Variants in DPP6 observed in about 807,000 individuals in gnomAD.
DPP6 encodes the protein dipeptidyl peptidase like 6.
DPP6 carries 69 observed loss-of-function variants against 122.6 expected under a neutral mutation model. That is an observed-to-expected ratio of 0.56 (90% CI 0.46 to 0.69). The LOEUF (loss-of-function observed/expected upper bound fraction) is 0.69, where lower values mean the gene tolerates loss of function less well. Ranked by LOEUF, DPP6 falls within the 30% of genes least tolerant of loss-of-function variation. The pLI is 0.00. For missense variants in DPP6, 928 were observed against 1,116.9 expected (o/e 0.83, Z 2.41); for synonymous variants, 418 against 433.1 (o/e 0.97, Z 0.43).
the DPP6 span, among the ~76,000 whole-genome samples, chr7:153,787,570 G>A: frequency 1.6e-5 from 2 of 125,700 alleles, 1 homozygote; most frequent in African/African-American, 5.9e-5. Flanking sequence ...TTGAAGACCA[G>A]TCTGGGCAAC....
At chr7:154,156,167 C>T (rs1460979543) in intron 1 of DPP6, among the ~76,000 whole-genome samples, 2 of 152,238 alleles carry the variant, frequency 1.3e-5, no homozygotes, top group South Asian at 2.1e-4. Context: ...AGGGTCATCC[C>T]GAGGCCCTGT....
intron 1 of DPP6, among the ~76,000 whole-genome samples, chr7:154,338,525 A>C (rs1303459013): frequency 6.6e-6 from 1 of 152,230 alleles, no homozygotes; most frequent in East Asian, 1.9e-4. Flanking sequence ...AAAGAAAAGA[A>C]GAAGAACCAA....
chr7:153,967,107 C>G (rs1795786309), intron 1 of DPP6, among the ~76,000 whole-genome samples: 1 of 151,854 alleles, frequency 6.6e-6, no homozygotes, highest in African/African-American at 2.4e-5. Context: ...AAAAAAATCT[C>G]TAGGTCAGAA....
intron 1 of DPP6, among the ~76,000 whole-genome samples, chr7:153,909,661 C>T (rs921195738): frequency 1.3e-5 from 2 of 152,144 alleles, no homozygotes; most frequent in African/African-American, 4.8e-5. Flanking sequence ...GTGGTCAGTT[C>T]CCACTTAAGT....
At chr7:154,017,210 G>A (rs1189938959) in intron 1 of DPP6, among the ~76,000 whole-genome samples, 2 of 152,162 alleles carry the variant, frequency 1.3e-5, no homozygotes, top group Non-Finnish European at 2.9e-5. Flanking sequence ...TGGGACCACA[G>A]CATGTGCCCA....
At chr7:154,443,573 GATGGATGGATGGA>G (rs1336711033) in intron 1 of DPP6, among the ~76,000 whole-genome samples, 1 of 150,314 alleles carries the variant, frequency 6.7e-6, no homozygotes, top group Non-Finnish European at 1.5e-5. Flanking sequence ...TGGATGAATA[GATGGATGGATGGA>G]TGAGTGGATG....
chr7:154,371,152 C>T (rs530878963), intron 1 of DPP6, among the ~76,000 whole-genome samples: 74 of 151,974 alleles, frequency 4.9e-4, no homozygotes, highest in African/African-American at 1.7e-3. Flanking sequence ...CTGAGGTGGG[C>T]GGATCGCTTG....
intron 5 of DPP6, among the ~76,000 whole-genome samples, chr7:154,605,747 G>T (rs1833566828): frequency 8.5e-6 from 1 of 117,562 alleles, no homozygotes; most frequent in Non-Finnish European, 1.9e-5. Flanking sequence ...TGCTATCTTT[G>T]CATTTAATCT....
chr7:154,667,515 G>A (rs1342772212), intron 6 of DPP6, among the ~76,000 whole-genome samples: 1 of 152,174 alleles, frequency 6.6e-6, no homozygotes, highest in Non-Finnish European at 1.5e-5. Flanking sequence ...ATTCCCTGAG[G>A]TCAGGAGTTC....
At chr7:154,002,700 A>G (rs1345290692) in intron 1 of DPP6, among the ~76,000 whole-genome samples, 2 of 152,192 alleles carry the variant, frequency 1.3e-5, no homozygotes, top group Non-Finnish European at 2.9e-5. Context: ...AGGTCAGTCC[A>G]TGACGTCTGT....
intron 17 of DPP6, among the ~76,000 whole-genome samples, chr7:154,866,453 T>G (rs1803885652): frequency 6.6e-6 from 1 of 152,192 alleles, no homozygotes; most frequent in African/African-American, 2.4e-5. Context: ...CTCCCCTAAC[T>G]CACGTGCATG....
intron 5 of DPP6, among the ~76,000 whole-genome samples, chr7:154,632,411 C>T (rs889015760): frequency 1.3e-5 from 2 of 151,978 alleles, no homozygotes; most frequent in African/African-American, 4.8e-5. Flanking sequence ...AGAAATTGGG[C>T]GCTATTTGAT....
intron 1 of DPP6, among the ~76,000 whole-genome samples, chr7:154,362,376 A>G (rs985248983): frequency 6.6e-6 from 1 of 152,140 alleles, no homozygotes; most frequent in Non-Finnish European, 1.5e-5. Flanking sequence ...CATTCGGTAC[A>G]ACAAAGATAC....
rs374120806 is a variant in DPP6, at chr7:153,974,872, A to G, written c.51+87138A>G. Reference sequence around the variant, plus strand: ...GCCCTGCATGCAGCAAACCAGAACCAAGCCTGCAGCAGGACTCAACTAAGT... The same window carrying G: ...GCCCTGCATGCAGCAAACCAGAACCGAGCCTGCAGCAGGACTCAACTAAGT... On this transcript the variant is annotated intron_variant, in intron 1 of 25. Transcript: ENST00000404039. Among the ~76,000 whole-genome samples, 53 of 152,296 alleles carry G rather than the reference A, an allele frequency of 3.5e-4. 1 individual carries two copies. The East Asian group carries it at 3.9e-3, about 11-fold the overall frequency.
intron 1 of DPP6, among the ~76,000 whole-genome samples, chr7:154,072,748 A>G (rs569769551): frequency 2.3e-3 from 358 of 152,354 alleles, no homozygotes; most frequent in African/African-American, 8.3e-3. Flanking sequence ...TGTTTGGGGG[A>G]CTTGTCCCAG....
At chr7:153,781,084 CACT>C in the DPP6 span, among the ~76,000 whole-genome samples, 2 of 152,204 alleles carry the variant, frequency 1.3e-5, no homozygotes, top group Non-Finnish European at 2.9e-5. Flanking sequence ...CCGTTTTAGT[CACT>C]TAGGTGTATT....
intron 5 of DPP6, among the ~76,000 whole-genome samples, chr7:154,573,753 G>T (rs1256195758): frequency 1.3e-5 from 2 of 152,216 alleles, no homozygotes; most frequent in South Asian, 2.1e-4. Context: ...AGCACAATGC[G>T]TGCAGTTTCA....
chr7:153,946,102 T>C (rs1211235582), intron 1 of DPP6, among the ~76,000 whole-genome samples: 3 of 152,138 alleles, frequency 2.0e-5, no homozygotes, highest in Non-Finnish European at 2.9e-5. Context: ...ATACAGCTGT[T>C]ACTGGAAAGG....
chr7:154,451,518 C>T (rs1014324553), intron 2 of DPP6, among the ~76,000 whole-genome samples: 9 of 152,208 alleles, frequency 5.9e-5, no homozygotes, highest in South Asian at 2.1e-4. Flanking sequence ...GTCTTCTCCA[C>T]GCACAGGGAG....
Sources: gnomAD v4.1 joint callset for allele counts (sites outside exome capture counted in the v4.1 genomes callset) on GRCh38, gnomAD v4.1.1 for gene constraint, MANE v1.5 for transcripts, NCBI Gene and HGNC (gene_info 2026-07-23, HGNC 2026-07-21) for gene names.